Variants in DHRS12 observed in about 807,000 individuals in gnomAD.
The protein encoded by DHRS12 is dehydrogenase/reductase SDR family member 12.
DHRS12 carries 29 observed loss-of-function variants against 32.1 expected under a neutral mutation model. The ratio of observed to expected loss-of-function variants is 0.90; its 90% CI spans 0.67 to 1.23. The LOEUF (loss-of-function observed/expected upper bound fraction) is 1.23, where lower values mean the gene tolerates loss of function less well. Among genes scored for constraint, DHRS12 ranks in the 50% most tolerant of loss-of-function variants. DHRS12 has a pLI of 0.00. For synonymous variants in DHRS12, 150 were observed against 135.9 expected (o/e 1.10, Z -0.72); for missense variants, 330 against 337.2 (o/e 0.98, Z 0.17).
intron 4 of DHRS12, among the ~76,000 whole-genome samples, chr13:51,788,438 G>A (rs1468965723): frequency 6.6e-6 from 1 of 152,172 alleles, no homozygotes; most frequent in Middle Eastern, 3.2e-3. Context: ...TCACTGGGGA[G>A]AAGGCATCTT....
intron 7 of DHRS12, chr13:51,771,439 G>A (rs1954008740): frequency 6.2e-7 from 1 of 1,614,210 alleles, no homozygotes; most frequent in Non-Finnish European, 8.5e-7. Flanking sequence ...AACCTGGGGA[G>A]TGGTGAGGCA....
In DHRS12 at chr13:51,782,844, G is replaced by C. The variant is rs1437300443; in HGVS notation, c.302-5723C>G. Among the ~76,000 whole-genome samples, 1 of 152,180 alleles carries C rather than the reference G, an allele frequency of 6.6e-6. No homozygotes were observed. The highest frequency in any genetic ancestry group is 1.5e-5 in the Non-Finnish European group (1 of 68,032). ...TCTAAAACTCCTCAAATGAATGTTT[G>C]TTACCAGCACACCTTTAAAACACTC... On this transcript the variant is annotated intron_variant, in intron 4 of 8. Coordinates refer to ENST00000444610, the MANE Select transcript of DHRS12 (RefSeq NM_001377533.1). This position sits in a 1 kb window ranked among gnomAD's most constrained non-coding sequence, Gnocchi z 4.2.
At position 51,803,880 on chromosome 13, in the gene DHRS12, C is replaced by T. The variant is rs543760431; in HGVS notation, c.-9+174G>A. On this transcript the variant is annotated intron_variant, in intron 1 of 8. Transcript: ENST00000444610. ...GAGCGGCTGGAGTCTGGCGACTGCC[C>T]CACGCCCAGCCGTGGGTCGCTAGAC... 2.0e-5 allele frequency: 10 copies of T among 507,936 alleles called. No individual in the cohort carries two copies. In the South Asian group the frequency reaches 3.1e-4, roughly 16 times the overall value. The allele number at this position is 507,936 out of a possible 1,614,324, so 31.5% of individuals were successfully genotyped here. A position where few individuals can be genotyped will look rare whatever the true frequency, so the allele number is the denominator to read the frequency against.
At chr13:51,780,747 T>C (rs1349077725) in intron 4 of DHRS12, among the ~76,000 whole-genome samples, 1 of 152,224 alleles carries the variant, frequency 6.6e-6, no homozygotes, top group Admixed American at 6.5e-5. Flanking sequence ...TGCCGCGTGT[T>C]CTTAGAGCAC....
chr13:51,798,870 G>C (rs1955628070), intron 2 of DHRS12, among the ~76,000 whole-genome samples: 1 of 152,210 alleles, frequency 6.6e-6, no homozygotes, highest in South Asian at 2.1e-4. Flanking sequence ...GAGCCATTTG[G>C]TGACCCAGGA....
chr13:51,797,871 T>C, intron 2 of DHRS12: 1 of 1,535,894 alleles, frequency 6.5e-7, no homozygotes, highest in Non-Finnish European at 8.7e-7. Context: ...CATCTTCTGC[T>C]GGGGCTTGAT....
chr13:51,767,141 A>G (rs1953775777), downstream of DHRS12: 1 of 152,242 alleles, frequency 6.6e-6, no homozygotes, highest in South Asian at 2.1e-4. Flanking sequence ...CATTTTATGG[A>G]GAAGAAAAAT....
At chr13:51,756,235 GCAGTTGATTACACCTCT>G in the DHRS12 span, 1 of 1,499,742 alleles carries the variant, frequency 6.7e-7, no homozygotes, top group Non-Finnish European at 8.9e-7. Context: ...TCACCTGGAT[GCAGTTGATTACACCTCT>G]CTGCCAGGAG....
rs1247663225 is a variant in DHRS12, at chr13:51,799,605, C to T, written c.55G>A (p.Glu19Lys). ...TCCTCCAGTGACCAAAAAGACTCTT[C>T]CAGGAATCTGGACCTCCAAGTCATG... is the stretch of plus-strand genomic sequence containing the variant. ...SLMTWRSRFL[E>K]ESFWSLEETA... The change falls in exon 2 of 9, where the codon GAA becomes AAA. Residue 19 changes from glutamate to lysine, a missense_variant. Physicochemically the swap from Glu to Lys is moderately conservative, Grantham distance 56 (BLOSUM62 1). Coordinates refer to ENST00000444610, the MANE Select transcript of DHRS12 (RefSeq NM_001377533.1). 3 of 1,614,050 alleles carry T rather than the reference C, an allele frequency of 1.9e-6. No homozygotes were observed. Among genetic ancestry groups the T allele is most frequent in the South Asian group, 1.1e-5 (1 of 91,078 alleles).
rs758085055 is a variant in DHRS12 at position 51,777,017 on chromosome 13, G to A, written c.363+43C>T. 5.6e-6 allele frequency: 9 copies of A among 1,612,408 alleles called. No homozygotes were observed. In the African/African-American group the frequency reaches 1.2e-4, roughly 22 times the overall value. On this transcript the variant is annotated intron_variant, in intron 5 of 8. Coordinates refer to ENST00000444610, the MANE Select transcript of DHRS12 (RefSeq NM_001377533.1). ...TAGGCCCACTGACTTCCCATCAGGA[G>A]CAAAGTCCATTATCCTCAAAACATC...
intron 4 of DHRS12, among the ~76,000 whole-genome samples, chr13:51,785,327 T>A (rs1185333583): frequency 6.6e-6 from 1 of 152,080 alleles, no homozygotes; most frequent in African/African-American, 2.4e-5. Context: ...TGACCCGTTT[T>A]CAAAGAATTG....
chr13:51,784,026 C>T (rs909849468), intron 4 of DHRS12, among the ~76,000 whole-genome samples: 25 of 152,320 alleles, frequency 1.6e-4, no homozygotes, highest in African/African-American at 5.5e-4. Flanking sequence ...ATCTTCACTT[C>T]TGGCCTATAA....
intron 4 of DHRS12, among the ~76,000 whole-genome samples, chr13:51,779,755 A>T (rs1249437783): frequency 6.6e-6 from 1 of 152,102 alleles, no homozygotes; most frequent in East Asian, 1.9e-4. Context: ...GCCCACTAAT[A>T]AATTATTTTT....
intron 7 of DHRS12, among the ~76,000 whole-genome samples, chr13:51,770,155 T>C (rs1953947491): frequency 6.6e-6 from 1 of 152,172 alleles, no homozygotes; most frequent in Non-Finnish European, 1.5e-5. Context: ...AATAAACATC[T>C]TTTTTTCTTT....
At chr13:51,783,225 T>C (rs575657480) in intron 4 of DHRS12, among the ~76,000 whole-genome samples, 12 of 152,250 alleles carry the variant, frequency 7.9e-5, no homozygotes, top group African/African-American at 2.6e-4. Flanking sequence ...GGGGCCCTTC[T>C]AGTGGTCGAG....
intron 5 of DHRS12, chr13:51,774,289 CCTA>C (rs1954220297): frequency 6.9e-6 from 1 of 145,786 alleles, no homozygotes; most frequent in Non-Finnish European, 1.5e-5. Flanking sequence ...ACAGTATTCT[CCTA>C]CATGTATTCT....
chr13:51,774,293 C>T (rs545445300), intron 5 of DHRS12: 3 of 148,792 alleles, frequency 2.0e-5, no homozygotes, highest in East Asian at 4.1e-4. Flanking sequence ...TATTCTCCTA[C>T]ATGTATTCTC....
upstream of DHRS12, chr13:51,804,163 TG>T: frequency 7.1e-7 from 1 of 1,410,956 alleles, no homozygotes; most frequent in Non-Finnish European, 9.2e-7. Context: ...GCCTCCGCCC[TG>T]GTCCCGCCCC....
At chr13:51,796,374 T>C (rs1210382973) in intron 2 of DHRS12, among the ~76,000 whole-genome samples, 1 of 152,138 alleles carries the variant, frequency 6.6e-6, no homozygotes, top group Non-Finnish European at 1.5e-5. Context: ...CACCTCTGAG[T>C]GCTGGAGGCC....
Sources: gnomAD v4.1 joint callset for allele counts (sites outside exome capture counted in the v4.1 genomes callset) on GRCh38, gnomAD v4.1.1 for gene constraint, Gnocchi (gnomAD v3.1) non-coding constraint, MANE v1.5 for transcripts, NCBI Gene and HGNC (gene_info 2026-07-23, HGNC 2026-07-21) for gene names.